MCM3: variants seen among roughly 807,000 people sequenced by gnomAD.
The protein encoded by MCM3 is DNA replication licensing factor MCM3.
Under a neutral mutation model 91.3 loss-of-function variants are expected in MCM3, and 59 were observed. The observed-to-expected ratio is 0.65, with a 90% CI of 0.52 to 0.80. MCM3 has a LOEUF of 0.80. Among genes scored for constraint, MCM3 ranks in the 30% least tolerant of loss-of-function variants. The probability of loss-of-function intolerance (pLI) is 0.00; values close to 1 mark genes in which losing one functional copy is unlikely to be tolerated. For missense variants in MCM3, 919 were observed against 1,035.4 expected (o/e 0.89, Z 1.54); for synonymous variants, 383 against 379.6 (o/e 1.01, Z -0.10).
At chr6:52,269,312 C>G in intron 12 of MCM3, 86 bp from the exon 13 acceptor site, 1 of 1,381,372 alleles carries the variant, frequency 7.2e-7, no homozygotes, top group South Asian at 1.4e-5. Context: ...AATGACACTA[C>G]CAGAAAAGCC....
chr6:52,280,246 A>G (rs1765968744), intron 4 of MCM3, among the ~76,000 whole-genome samples: 1 of 152,150 alleles, frequency 6.6e-6, no homozygotes, highest in Admixed American at 6.5e-5. Context: ...CCTCATTTGG[A>G]GCTGGTTACA....
At position 52,279,490 on chromosome 6, in the gene MCM3, G is replaced by A; in HGVS notation, c.641C>T (p.Pro214Leu). ...MPEKAPAGQL[P>L]RSVDVILDDD... ...ATCCAGAATGACGTCCACAGAGCGGGGGAGCTGGCCGGCTGGGGCCTTCTC... is the reference window on the plus strand; with the variant it reads ...ATCCAGAATGACGTCCACAGAGCGGAGGAGCTGGCCGGCTGGGGCCTTCTC... The change falls in exon 5 of 17, where the codon CCC becomes CTC. Residue 214 changes from proline (P) to leucine (L), a missense_variant. Pro to Leu is a moderately conservative substitution (Grantham distance 98). Coordinates refer to ENST00000596288, the MANE Select transcript of MCM3 (RefSeq NM_002388.6). The A allele has an allele frequency of 6.2e-7, 1 of 1,614,148 alleles. No individual in the cohort carries two copies. The highest frequency in any genetic ancestry group is 8.5e-7 in the Non-Finnish European group (1 of 1,180,020).
At chr6:52,284,220 C>T (rs548618741) in intron 1 of MCM3, among the ~76,000 whole-genome samples, 2 of 152,216 alleles carry the variant, frequency 1.3e-5, no homozygotes, top group African/African-American at 2.4e-5. Context: ...TCTGAGCACT[C>T]TGCAACGCGG....
intron 6 of MCM3, among the ~76,000 whole-genome samples, chr6:52,278,070 C>CAAAAAAAAAAAAAA (rs61625257): frequency 7.7e-5 from 3 of 38,964 alleles, no homozygotes; most frequent in Non-Finnish European, 1.2e-4. Flanking sequence ...TCCGTCTCAC[C>CAAAAAAAAAAAAAA]AAAAAAAAAA....
intron 15 of MCM3, 110 bp downstream of exon 15, chr6:52,266,501 C>G: frequency 1.0e-6 from 1 of 977,404 alleles, no homozygotes; most frequent in East Asian, 2.4e-5. Flanking sequence ...AGGCCCCAAG[C>G]AGGGAGCCAA....
rs1766325640 is a variant in MCM3, at chr6:52,283,394, T to C, written c.91A>G (p.Ile31Val). 1 of 1,612,994 alleles carries C rather than the reference T, an allele frequency of 6.2e-7. No individual in the cohort carries two copies. The highest frequency in any genetic ancestry group is 2.2e-5 in the East Asian group (1 of 44,884). The change falls in exon 2 of 17, where the codon ATT becomes GTT. Residue 31 changes from isoleucine (I) to valine (V), a missense_variant. Coordinates refer to ENST00000596288, the MANE Select transcript of MCM3 (RefSeq NM_002388.6). ...DFLDDEEDQG[I>V]YQSKVRELIS... ...AGCTCCCGAACTTTGCTCTGATAAA[T>C]TCCCTGGTCTTCCTGCAAAACAGCC... is the stretch of plus-strand genomic sequence containing the variant.
At chr6:52,272,237 G>C (rs954438431) in intron 12 of MCM3, 64 bp downstream of exon 12, 3 of 1,513,462 alleles carry the variant, frequency 2.0e-6, no homozygotes, top group Non-Finnish European at 2.7e-6. Context: ...CTCCCAGATA[G>C]CAGGGACTCC....
chr6:52,266,184 C>T, intron 15 of MCM3, 40 bp from the exon 16 acceptor site: 1 of 1,468,626 alleles, frequency 6.8e-7, no homozygotes, highest in Non-Finnish European at 9.5e-7. Context: ...GGAAGATAAG[C>T]AAGGTGAAGC....
Position 52,266,120 on chromosome 6 carries a change from G to C in MCM3, c.2183C>G (p.Ser728Ter). 2 of 1,614,094 alleles carry C rather than the reference G, an allele frequency of 1.2e-6. No individual in the cohort carries two copies. The highest frequency in any genetic ancestry group is 1.7e-6 in the Non-Finnish European group (2 of 1,179,960). Residue 728 changes from serine to a stop codon, truncating the protein, a stop_gained, in exon 16 of 17, where the codon TCA becomes TGA. Transcript: ENST00000596288. LOFTEE classifies it high-confidence loss of function. Reference sequence around the variant, plus strand: ...TTTCTGGGATTCCTTGGTCTCCTGTGAGTCTGCCGTCTTTGGAGTGTGTAC... The same window carrying C: ...TTTCTGGGATTCCTTGGTCTCCTGTCAGTCTGCCGTCTTTGGAGTGTGTAC... Reference protein sequence around the residue: ...PQVHTPKTADSQETKESQKVE... With the variant: ...PQVHTPKTAD
rs1391159228 is a variant in MCM3 at position 52,266,707 on chromosome 6, C to CTTA, written c.2073-12_2073-11insTAA. The CTTA allele has an allele frequency of 6.2e-7, 1 of 1,608,930 alleles. No individual in the cohort carries two copies. Among genetic ancestry groups the CTTA allele is most frequent in the Non-Finnish European group, 8.5e-7 (1 of 1,175,404 alleles). Reference sequence around the variant, plus strand: ...TGGCGAGTCTTCCTTCTAAAATACCCACAGCAGTTAAGAGAGAGAAAGAGT... The same window carrying CTTA: ...TGGCGAGTCTTCCTTCTAAAATACCCTTAACAGCAGTTAAGAGAGAGAAAGAGT... On this transcript the variant is annotated splice_polypyrimidine_tract_variant and intron_variant, in intron 14 of 16. Coordinates refer to ENST00000596288, the MANE Select transcript of MCM3 (RefSeq NM_002388.6).
chr6:52,276,747 C>T (rs886528228), intron 8 of MCM3, among the ~76,000 whole-genome samples: 5 of 152,196 alleles, frequency 3.3e-5, no homozygotes, highest in African/African-American at 4.8e-5. Flanking sequence ...GCCTCAACCT[C>T]AAGTAATACC....
At chr6:52,278,070 C>CAAAAAAA (rs61625257) in intron 6 of MCM3, among the ~76,000 whole-genome samples, 53 of 38,974 alleles carry the variant, frequency 1.4e-3, no homozygotes, top group Admixed American at 1.5e-3. Context: ...TCCGTCTCAC[C>CAAAAAAA]AAAAAAAAAA....
intron 4 of MCM3, 72 bp downstream of exon 4, chr6:52,281,973 C>G: frequency 6.6e-7 from 1 of 1,504,108 alleles, no homozygotes; most frequent in African/African-American, 1.4e-5. Context: ...AGATATTACA[C>G]AATTCCTTGC....
rs776772697 is a variant in MCM3, at chr6:52,272,469, G to A, written c.1677-18C>T. 1.6e-5 allele frequency: 26 copies of A among 1,613,582 alleles called. No homozygotes were observed. Among genetic ancestry groups the A allele is most frequent in the Non-Finnish European group, 2.1e-5 (25 of 1,179,742 alleles). ...TCTTCTCCCTGGAGCCACACACAGT[G>A]AATTCCATCTCCCTGCCACACCTTA... On this transcript the variant is annotated intron_variant, in intron 11 of 16. Coordinates refer to ENST00000596288, the MANE Select transcript of MCM3 (RefSeq NM_002388.6).
intron 12 of MCM3, among the ~76,000 whole-genome samples, chr6:52,270,731 A>C (rs1448567809): frequency 6.6e-6 from 1 of 152,212 alleles, no homozygotes; most frequent in African/African-American, 2.4e-5. Context: ...GGCCTGGGAC[A>C]CACCAGAAGT....
chr6:52,281,495 G>A (rs1581746933), intron 4 of MCM3, among the ~76,000 whole-genome samples: 1 of 151,900 alleles, frequency 6.6e-6, no homozygotes, highest in Non-Finnish European at 1.5e-5. Context: ...GGGCAACATA[G>A]CGAGACCCTG....
chr6:52,276,505 C>T (rs1443605972), intron 8 of MCM3, 29 bp from the exon 9 acceptor site: 1 of 1,586,190 alleles, frequency 6.3e-7, no homozygotes, highest in Non-Finnish European at 8.6e-7. Context: ...AAAATACGTG[C>T]TACAGTCTAG....
At chr6:52,279,791 T>C (rs1258952733) in intron 4 of MCM3, among the ~76,000 whole-genome samples, 192 bp from the exon 5 acceptor site, 5 of 152,234 alleles carry the variant, frequency 3.3e-5, no homozygotes, top group Admixed American at 1.3e-4. Context: ...GGGCAACCCA[T>C]AGTCTGAATG....
Position 52,279,484 on chromosome 6 carries a change from G to T in MCM3, c.647C>A (p.Ser216Tyr). 6.2e-7 allele frequency: 1 copy of T among 1,614,196 alleles called. No homozygotes were observed. The highest frequency in any genetic ancestry group is 8.5e-7 in the Non-Finnish European group (1 of 1,180,046). The change falls in exon 5 of 17, where the codon TCT becomes TAT. Residue 216 changes from serine to tyrosine, a missense_variant. Transcript: ENST00000596288. ...GTCATCATCCAGAATGACGTCCACA[G>T]AGCGGGGGAGCTGGCCGGCTGGGGC... ...EKAPAGQLPR[S>Y]VDVILDDDLV...
Sources: allele counts gnomAD v4.1 joint callset (sites outside exome capture counted in the v4.1 genomes callset), GRCh38; gene constraint gnomAD v4.1.1; transcripts MANE v1.5; gene names NCBI Gene and HGNC (gene_info 2026-07-23, HGNC 2026-07-21).